WNT9B: variants seen among roughly 807,000 people sequenced by gnomAD.
The protein encoded by WNT9B is protein Wnt-9b.
Under a neutral mutation model 30.2 loss-of-function variants are expected in WNT9B, and 12 were observed. The observed-to-expected ratio is 0.40, with a 90% CI of 0.26 to 0.64. The LOEUF (loss-of-function observed/expected upper bound fraction) is 0.64. Among genes scored for constraint, WNT9B ranks in the 30% least tolerant of loss-of-function variants. WNT9B has a pLI of 0.42. For synonymous variants in WNT9B, 218 were observed against 216.9 expected (o/e 1.01, Z -0.05); for missense variants, 442 against 485.2 (o/e 0.91, Z 0.84).
At chr17:46,870,064 T>G (rs2085212576) in intron 1 of WNT9B, among the ~76,000 whole-genome samples, 1 of 152,166 alleles carries the variant, frequency 6.6e-6, no homozygotes, top group Non-Finnish European at 1.5e-5. Context: ...GATATAATAA[T>G]CATAGCTATT....
downstream of WNT9B, among the ~76,000 whole-genome samples, chr17:46,880,921 G>A (rs116560871): frequency 2.0e-4 from 30 of 152,346 alleles, no homozygotes; most frequent in African/African-American, 7.2e-4. Flanking sequence ...GCATGGCTCA[G>A]GGTGGGGCGG....
At chr17:46,860,474 A>G (rs113082027) in intron 1 of WNT9B, among the ~76,000 whole-genome samples, 2 of 152,230 alleles carry the variant, frequency 1.3e-5, no homozygotes, top group African/African-American at 4.8e-5. Flanking sequence ...CAGAGTTCAA[A>G]TCTCCATCTA....
Position 46,876,903 on chromosome 17 carries a change from A to G in WNT9B, c.*185A>G, listed in dbSNP as rs2085355615. The G allele has an allele frequency of 1.5e-6, 2 of 1,367,226 alleles. No individual in the cohort carries two copies. The highest frequency in any genetic ancestry group is 9.4e-7 in the Non-Finnish European group (1 of 1,059,436). The allele number at this position is 1,367,226 out of a possible 1,614,324, so 84.7% of individuals were successfully genotyped here. A position where few individuals can be genotyped will look rare whatever the true frequency, so the allele number is the denominator to read the frequency against. On this transcript the variant is annotated 3_prime_UTR_variant, in exon 4 of 4. Transcript: ENST00000290015. ...AGCCTTTTGCCTCCCTCGATACTCAACAAAGAGAAGCAAAGCCTCCTCCCT... is the reference window on the plus strand; with the variant it reads ...AGCCTTTTGCCTCCCTCGATACTCAGCAAAGAGAAGCAAAGCCTCCTCCCT...
chr17:46,839,066 C>T (rs1236904240), intron 1 of WNT9B, among the ~76,000 whole-genome samples: 92 of 152,128 alleles, frequency 6.0e-4, no homozygotes, highest in Admixed American at 9.8e-4. Flanking sequence ...TTAGTAGAGA[C>T]AGACTTTCAC....
At chr17:46,847,067 C>G (rs1022055170), upstream of WNT9B, among the ~76,000 whole-genome samples, 1 of 152,200 alleles carries the variant, frequency 6.6e-6, no homozygotes, top group African/African-American at 2.4e-5. Flanking sequence ...TTATAAATGT[C>G]AAACATTCTT....
At chr17:46,833,371 A>G (rs1197088466) in exon 1 of WNT9B, 1 of 518,450 alleles carries the variant, frequency 1.9e-6, no homozygotes, top group Non-Finnish European at 3.8e-6. Flanking sequence ...GTTTCTTTTG[A>G]TCCTCTGGCA....
At chr17:46,870,277 TAGCTGCAGCCCCCA>T (rs1319233043) in intron 1 of WNT9B, among the ~76,000 whole-genome samples, 1 of 152,096 alleles carries the variant, frequency 6.6e-6, no homozygotes, top group Non-Finnish European at 1.5e-5. Flanking sequence ...GAGGGCAAGG[TAGCTGCAGCCCCCA>T]AGCTGCCCTC....
chr17:46,840,548 T>C (rs1270447765), intron 1 of WNT9B, among the ~76,000 whole-genome samples: 1 of 152,248 alleles, frequency 6.6e-6, no homozygotes, highest in East Asian at 1.9e-4. Flanking sequence ...CTGGGTCAAA[T>C]GATATTGCTA....
chr17:46,834,857 A>G (rs1032177825), intron 1 of WNT9B, among the ~76,000 whole-genome samples: 2 of 152,182 alleles, frequency 1.3e-5, no homozygotes, highest in Non-Finnish European at 2.9e-5. Flanking sequence ...TTCAGGGAAG[A>G]GTCTCTGGAG....
At chr17:46,842,290 G>A (rs1164586046) in intron 1 of WNT9B, among the ~76,000 whole-genome samples, 1 of 152,224 alleles carries the variant, frequency 6.6e-6, no homozygotes, top group Non-Finnish European at 1.5e-5. Context: ...AGGTAGATAT[G>A]CCGCTGCTGC....
At chr17:46,855,918 A>G (rs2084930339) in intron 1 of WNT9B, among the ~76,000 whole-genome samples, 1 of 152,046 alleles carries the variant, frequency 6.6e-6, no homozygotes. Flanking sequence ...GGAACTCCTG[A>G]CCTCAAATGA....
intron 2 of WNT9B, among the ~76,000 whole-genome samples, chr17:46,873,066 A>T (rs531464928): frequency 6.7e-6 from 1 of 149,100 alleles, no homozygotes; most frequent in Non-Finnish European, 1.5e-5. Context: ...GGGGTCCCCC[A>T]GTTGTCTCCC....
At position 46,876,826 on chromosome 17, in the gene WNT9B, C is replaced by T. The variant is rs906011545; in HGVS notation, c.*108C>T. The stretch of plus-strand genomic sequence containing the variant: ...ACTGTCATCACATGCATGCATAAAC[C>T]GGCATGTGTGCCAATGCACACGAGT... On this transcript the variant is annotated 3_prime_UTR_variant, in exon 4 of 4. Transcript: ENST00000290015. The T allele has an allele frequency of 3.1e-5, 44 of 1,438,724 alleles. No homozygotes were observed. The highest frequency in any genetic ancestry group is 5.1e-4 in the Middle Eastern group (2 of 3,926). 89.1% of individuals were successfully genotyped at this position (1,438,724 alleles called of 1,614,324 possible). A position where few individuals can be genotyped will look rare whatever the true frequency, so the allele number is the denominator to read the frequency against.
chr17:46,850,992 T>G (rs376781744), upstream of WNT9B, among the ~76,000 whole-genome samples: 4 of 152,234 alleles, frequency 2.6e-5, no homozygotes, highest in South Asian at 8.3e-4. Flanking sequence ...CCCTTTCCTC[T>G]CTCCCCTCTG....
rs1319888250 is a variant in WNT9B at position 46,877,022 on chromosome 17, G to A, written c.*304G>A. On this transcript the variant is annotated 3_prime_UTR_variant, in exon 4 of 4. Coordinates refer to ENST00000290015, the MANE Select transcript of WNT9B (RefSeq NM_003396.3). ...AATAAGGGAGACCAAGAGCACAGCA[G>A]GACTGAAATTTTGGACGGGAGAGAG... The A allele has an allele frequency of 8.3e-7, 1 of 1,201,184 alleles. No individual in the cohort carries two copies. The highest frequency in any genetic ancestry group is 1.6e-5 in the African/African-American group (1 of 64,362). 74.4% of individuals were successfully genotyped at this position (1,201,184 alleles called of 1,614,324 possible). A position where few individuals can be genotyped will look rare whatever the true frequency, so the allele number is the denominator to read the frequency against.
At chr17:46,842,583 A>C (rs1419648622) in intron 1 of WNT9B, among the ~76,000 whole-genome samples, 3 of 152,198 alleles carry the variant, frequency 2.0e-5, no homozygotes, top group Middle Eastern at 3.4e-3. Context: ...TGGTGCCCAG[A>C]GCTGGTCTCG....
At chr17:46,868,486 C>T (rs1397851932) in intron 1 of WNT9B, among the ~76,000 whole-genome samples, 5 of 152,124 alleles carry the variant, frequency 3.3e-5, no homozygotes, top group Non-Finnish European at 7.4e-5. Context: ...ATCCCAGCTA[C>T]TCGGGAGGCT....
chr17:46,881,345 G>T (rs145861769), downstream of WNT9B, among the ~76,000 whole-genome samples: 825 of 152,362 alleles, frequency 5.4e-3, 11 homozygotes, highest in African/African-American at 0.019. Flanking sequence ...AGACCAGCTG[G>T]CTCTGAGTAA....
chr17:46,874,985 C>G, intron 2 of WNT9B, 116 bp from the exon 3 acceptor site: 1 of 1,522,996 alleles, frequency 6.6e-7, no homozygotes, highest in Non-Finnish European at 9.1e-7. Context: ...TCCTGCCCAT[C>G]ACAGCGCTGC....
Sources: gnomAD v4.1 joint callset for allele counts (sites outside exome capture counted in the v4.1 genomes callset) on GRCh38, gnomAD v4.1.1 for gene constraint, MANE v1.5 for transcripts, NCBI Gene and HGNC (gene_info 2026-07-23, HGNC 2026-07-21) for gene names.